TOP3B: variants seen among roughly 807,000 people sequenced by gnomAD.
TOP3B encodes DNA topoisomerase III beta, also known as DNA topoisomerase 3-beta-1.
TOP3B carries 45 observed loss-of-function variants against 93.9 expected under a neutral mutation model. The ratio of observed to expected loss-of-function variants is 0.48; its 90% CI spans 0.38 to 0.61. The LOEUF (loss-of-function observed/expected upper bound fraction) is 0.61. Among genes scored for constraint, TOP3B ranks in the 20% least tolerant of loss-of-function variants. The pLI is 0.00. For synonymous variants in TOP3B, 357 were observed against 472.6 expected (o/e 0.76, Z 3.17); for missense variants, 750 against 1,156.1 (o/e 0.65, Z 5.09).
chr22:21,958,652 G>A lies in TOP3B; in HGVS notation c.1947C>T (p.Thr649=). 1 of 1,613,092 alleles carries A rather than the reference G, an allele frequency of 6.2e-7. No homozygotes were observed. The highest frequency in any genetic ancestry group is 8.5e-7 in the Non-Finnish European group (1 of 1,179,514). ...SRLHCSHCDE[T]YTLPQNGTIK... is the part of the protein sequence containing the mutation. ...TGGTGCCGTTCTGGGGGAGCGTGTA[G>A]GTCTCATCGCAGTGGGAGCAGTGCA... is the stretch of plus-strand genomic sequence containing the variant. Residue 649 remains threonine, a synonymous_variant, in exon 17 of 18, where the codon ACC becomes ACT. Coordinates refer to ENST00000357179, the MANE Select transcript of TOP3B (RefSeq NM_001282112.2).
In TOP3B at chr22:21,963,899, C is replaced by G; in HGVS notation, c.1204+24G>C. The G allele has an allele frequency of 1.2e-6, 2 of 1,611,052 alleles. No homozygotes were observed. The highest frequency in any genetic ancestry group is 1.7e-6 in the Non-Finnish European group (2 of 1,178,306). Reference sequence around the variant, plus strand: ...TCGCCCTTCCCTCCCTGGAAGCACACCGGGTATGGGATGAGAGCGGTACCT... The same window carrying G: ...TCGCCCTTCCCTCCCTGGAAGCACAGCGGGTATGGGATGAGAGCGGTACCT... On this transcript the variant is annotated intron_variant, in intron 11 of 17. Coordinates refer to ENST00000357179, the MANE Select transcript of TOP3B (RefSeq NM_001282112.2). This position sits in a 1 kb window ranked among gnomAD's most constrained non-coding sequence, Gnocchi z 4.8.
At chr22:21,977,908 T>C (rs752625015) in intron 1 of TOP3B, among the ~76,000 whole-genome samples, 3 of 151,796 alleles carry the variant, frequency 2.0e-5, no homozygotes, top group African/African-American at 4.8e-5. Flanking sequence ...CATGCTGTAG[T>C]ATGGGAGCAG....
chr22:21,971,703 G>A lies in TOP3B; in HGVS notation c.384+174C>T. ...ACTGACCACCTTTAATAGAGCCTAT[G>A]CAGTTAAAAGTATCTGTGGAGTTTC... On this transcript the variant is annotated intron_variant, in intron 5 of 17. Transcript: ENST00000357179. The surrounding 1 kb of genome is among the most constrained non-coding windows in gnomAD (Gnocchi z 4.6). The A allele has an allele frequency of 1.5e-6, 1 of 688,946 alleles. No individual in the cohort carries two copies. The highest frequency in any genetic ancestry group is 2.0e-5 in the Admixed American group (1 of 48,822). 42.7% of individuals were successfully genotyped at this position (688,946 alleles called of 1,614,324 possible).
At chr22:21,962,997 G>C in intron 11 of TOP3B, 104 bp from the exon 12 acceptor site, 2 of 1,399,284 alleles carry the variant, frequency 1.4e-6, no homozygotes, top group Non-Finnish European at 2.0e-6. Context: ...TTACAGAGCC[G>C]CTGTGCAGGA....
chr22:21,972,258 G>A, intron 4 of TOP3B: 1 of 457,890 alleles, frequency 2.2e-6, no homozygotes, highest in Non-Finnish European at 3.8e-6. Context: ...CAGTCGTCTT[G>A]GGTAATATGA....
chr22:21,969,927 ATAAT>A, intron 6 of TOP3B: 1 of 306,584 alleles, frequency 3.3e-6, no homozygotes, highest in Admixed American at 4.6e-5. Context: ...TCTCAAAAAA[ATAAT>A]TTTTTTTTTT....
intron 4 of TOP3B, 174 bp from the exon 5 acceptor site, chr22:21,972,125 A>G: frequency 1.7e-6 from 1 of 578,636 alleles, no homozygotes; most frequent in Non-Finnish European, 3.0e-6. Context: ...AGCCAACAGA[A>G]AAGAATTGAG....
chr22:21,959,020 A>G (rs2071049528), intron 16 of TOP3B, 112 bp downstream of exon 16: 1 of 1,480,630 alleles, frequency 6.8e-7, no homozygotes, highest in African/African-American at 1.4e-5. Context: ...TTTATGTTCC[A>G]TCATTCTTTT....
intron 13 of TOP3B, 172 bp from the exon 14 acceptor site, chr22:21,960,621 G>A (rs1274269650): frequency 6.0e-6 from 5 of 835,266 alleles, no homozygotes; most frequent in Non-Finnish European, 9.2e-6. Context: ...GGCACCAACT[G>A]CATGCATTTC....
In TOP3B at chr22:21,970,132, G is replaced by C. The variant is rs2071574963; in HGVS notation, c.581+78C>G. On this transcript the variant is annotated intron_variant, in intron 6 of 17. Coordinates refer to ENST00000357179, the MANE Select transcript of TOP3B (RefSeq NM_001282112.2). The surrounding 1 kb of genome is among the most constrained non-coding windows in gnomAD (Gnocchi z 4.4). ...GGCTCGAGGAGGCCTAGGGGCCCCG[G>C]AGGGGGACCAGTAGAGGCAGGTCTC... is the stretch of plus-strand genomic sequence containing the variant. 1 of 1,546,984 alleles carries C rather than the reference G, an allele frequency of 6.5e-7. No individual in the cohort carries two copies. The highest frequency in any genetic ancestry group is 8.7e-7 in the Non-Finnish European group (1 of 1,144,540).
rs2071616112 is a variant in TOP3B at position 21,971,025 on chromosome 22, C to T, written c.385-619G>A. 1 of 1,301,684 alleles carries T rather than the reference C, an allele frequency of 7.7e-7. No individual in the cohort carries two copies. The allele number at this position is 1,301,684 out of a possible 1,614,324, so 80.6% of individuals were successfully genotyped here. On this transcript the variant is annotated intron_variant, in intron 5 of 17. Transcript: ENST00000357179. This position sits in a 1 kb window ranked among gnomAD's most constrained non-coding sequence, Gnocchi z 4.6. ...ACTAGGGTCGCCGCCGGAGCCTGGC[C>T]ACGCAGCTTCCTTACTGGGAATAAG...
At position 21,965,389 on chromosome 22, in the gene TOP3B, C is replaced by G; in HGVS notation, c.853-14G>C. The G allele has an allele frequency of 6.3e-7, 1 of 1,580,214 alleles. No homozygotes were observed. Among genetic ancestry groups the G allele is most frequent in the Non-Finnish European group, 8.6e-7 (1 of 1,158,400 alleles). On this transcript the variant is annotated splice_polypyrimidine_tract_variant and intron_variant, in intron 8 of 17. Transcript: ENST00000357179. ...TGTGGCCTCCACCTGGAAGACAGGACAGTCAATGATTTGGGGAAGGAGGAA... is the reference window on the plus strand; with the variant it reads ...TGTGGCCTCCACCTGGAAGACAGGAGAGTCAATGATTTGGGGAAGGAGGAA...
chr22:21,972,765 G>C, intron 3 of TOP3B, 47 bp from the exon 4 acceptor site: 2 of 1,487,830 alleles, frequency 1.3e-6, no homozygotes, highest in Non-Finnish European at 1.9e-6. Flanking sequence ...CTCAGCCTCC[G>C]AGACCATCAT....
Position 21,971,266 on chromosome 22 carries a change from G to A in TOP3B, c.384+611C>T. The stretch of plus-strand genomic sequence containing the variant: ...TCTTGAGCCACGGGTGAGAGCTGGG[G>A]GTACAGGAGCACGGGGGCGACCCAT... On this transcript the variant is annotated intron_variant, in intron 5 of 17. Transcript: ENST00000357179. The surrounding 1 kb of genome is among the most constrained non-coding windows in gnomAD (Gnocchi z 4.6). 3.3e-6 allele frequency: 1 copy of A among 298,782 alleles called. No individual in the cohort carries two copies. Among genetic ancestry groups the A allele is most frequent in the Non-Finnish European group, 6.6e-6 (1 of 152,338 alleles). 18.5% of individuals were successfully genotyped at this position (298,782 alleles called of 1,614,324 possible).
At chr22:21,962,038 G>T in intron 13 of TOP3B, 2 of 1,007,466 alleles carry the variant, frequency 2.0e-6, no homozygotes, top group Non-Finnish European at 2.6e-6. Context: ...CAGCTCCTGT[G>T]AGATCTCATT....
intron 13 of TOP3B, chr22:21,962,224 C>G: frequency 1.3e-6 from 2 of 1,507,320 alleles, no homozygotes; most frequent in Middle Eastern, 4.6e-4. Flanking sequence ...CAGGGAAGGC[C>G]AGGTCCTGAA....
chr22:21,974,205 A>AC, intron 3 of TOP3B, 152 bp downstream of exon 3: 1 of 966,856 alleles, frequency 1.0e-6, no homozygotes, highest in African/African-American at 1.7e-5. Flanking sequence ...CGCACCAGGG[A>AC]CCCTCTCATT....
At chr22:21,979,932 C>T (rs939971795) in intron 1 of TOP3B, among the ~76,000 whole-genome samples, 8 of 125,348 alleles carry the variant, frequency 6.4e-5, no homozygotes, top group South Asian at 2.6e-4. Context: ...CAGAGTGAGA[C>T]TCCATCTCCA....
Position 21,971,895 on chromosome 22 carries a change from C to T in TOP3B, c.366G>A (p.Gly122=), listed in dbSNP as rs775447898. 11 of 1,614,052 alleles carry T rather than the reference C, an allele frequency of 6.8e-6. No individual in the cohort carries two copies. The highest frequency in any genetic ancestry group is 4.5e-5 in the East Asian group (2 of 44,868). The change falls in exon 5 of 18, where the codon GGG becomes GGA. Residue 122 remains glycine (G), a synonymous_variant. Coordinates refer to ENST00000357179, the MANE Select transcript of TOP3B (RefSeq NM_001282112.2). The surrounding 1 kb of genome is among the most constrained non-coding windows in gnomAD (Gnocchi z 4.6). The stretch of plus-strand genomic sequence containing the variant: ...CACTCACCTCAAAGCAGATGTTCTC[C>T]CCCTCCTTGTCGCAGTCCAGCCACA... ...IVLWLDCDKE[G]ENICFEVLDA...
Sources: allele counts gnomAD v4.1 joint callset (sites outside exome capture counted in the v4.1 genomes callset), GRCh38; gene constraint gnomAD v4.1.1; non-coding constraint Gnocchi (gnomAD v3.1); transcripts MANE v1.5; gene names NCBI Gene and HGNC (gene_info 2026-07-23, HGNC 2026-07-21).